TNNI3K: variants seen among roughly 807,000 people sequenced by gnomAD.
TNNI3K encodes TNNI3 interacting kinase, also known as serine/threonine-protein kinase TNNI3K.
In TNNI3K, 140 loss-of-function variants were observed where a neutral mutation model predicts 114.5. The observed-to-expected ratio is 1.22, with a 90% confidence interval of 1.07 to 1.41. TNNI3K has a LOEUF of 1.41. Among genes scored for constraint, TNNI3K ranks in the 40% most tolerant of loss-of-function variants. The pLI, the probability that TNNI3K is intolerant of heterozygous loss-of-function variation, is 0.00. For synonymous variants in TNNI3K, 347 were observed against 347.5 expected, an observed-to-expected ratio of 1.00 and a Z score of 0.02; for missense variants, 1,125 against 1,007.6, an observed-to-expected ratio of 1.12 and a Z score of -1.58.
chr1:74,443,880 A>T (rs553061392), intron 20 of TNNI3K, among the ~76,000 whole-genome samples: 1 of 152,234 alleles, frequency 6.6e-6, no homozygotes, highest in Non-Finnish European at 1.5e-5. Context: ...AACGTAATTC[A>T]TCACATAAAC....
At position 74,522,885 on chromosome 1, in the gene TNNI3K, G is replaced by A. The variant is rs45519238; in HGVS notation, c.2352-17349G>A. ...GTGAACACATAAAATCCAGCACTGC[G>A]TGATCCAAAGCTTCAGTAGGTTCAT... On this transcript the variant is annotated intron_variant, in intron 23 of 24. Coordinates refer to ENST00000326637, the MANE Select transcript of TNNI3K (RefSeq NM_015978.3). 3.0e-3 allele frequency among the ~76,000 whole-genome samples: 459 copies of A among 152,292 alleles called. 2 individuals are homozygous for A. Among genetic ancestry groups the A allele is most frequent in the African/African-American group, 0.01 (429 of 41,582 alleles).
intron 5 of TNNI3K, among the ~76,000 whole-genome samples, chr1:74,272,320 A>G (rs941810470): frequency 3.9e-5 from 6 of 151,962 alleles, no homozygotes; most frequent in African/African-American, 1.2e-4. Context: ...CATAATTTTA[A>G]TTAGTAGTGA....
At chr1:74,362,792 AC>A (rs1171078944) in intron 11 of TNNI3K, among the ~76,000 whole-genome samples, 1 of 152,148 alleles carries the variant, frequency 6.6e-6, no homozygotes, top group African/African-American at 2.4e-5. Context: ...AAGTAAAGGA[AC>A]ACAAATAGAC....
At chr1:74,391,392 A>G (rs996675358) in intron 17 of TNNI3K, among the ~76,000 whole-genome samples, 4 of 152,086 alleles carry the variant, frequency 2.6e-5, no homozygotes, top group East Asian at 1.9e-4. Flanking sequence ...AGAGAAAGCA[A>G]TGGATTTGGT....
At chr1:74,449,313 C>G (rs905199550) in intron 20 of TNNI3K, among the ~76,000 whole-genome samples, 1 of 150,478 alleles carries the variant, frequency 6.6e-6, no homozygotes. Flanking sequence ...GGTGATATCC[C>G]CTTTATCATT....
intron 20 of TNNI3K, among the ~76,000 whole-genome samples, chr1:74,444,174 T>A (rs1351521202): frequency 1.3e-5 from 2 of 152,096 alleles, no homozygotes; most frequent in African/African-American, 4.8e-5. Flanking sequence ...TCAGGACAAG[T>A]GAAAGAAGCT....
chr1:74,530,760 G>A (rs1336956502), intron 23 of TNNI3K, among the ~76,000 whole-genome samples: 1 of 151,018 alleles, frequency 6.6e-6, no homozygotes, highest in Non-Finnish European at 1.5e-5. Flanking sequence ...AGTATAGAAG[G>A]TGAGGGATAT....
chr1:74,313,499 T>C (rs1659115191), intron 5 of TNNI3K, among the ~76,000 whole-genome samples: 1 of 152,168 alleles, frequency 6.6e-6, no homozygotes, highest in African/African-American at 2.4e-5. Flanking sequence ...CTTCATTTGG[T>C]CAGGCATTTT....
intron 23 of TNNI3K, among the ~76,000 whole-genome samples, chr1:74,501,478 T>G (rs575780699): frequency 2.5e-5 from 3 of 121,754 alleles, no homozygotes; most frequent in African/African-American, 1.6e-4. Flanking sequence ...TGTTTTGTGT[T>G]TGTTTGTTTG....
intron 23 of TNNI3K, among the ~76,000 whole-genome samples, chr1:74,493,797 A>T (rs1176375437): frequency 6.6e-6 from 1 of 152,186 alleles, no homozygotes; most frequent in Non-Finnish European, 1.5e-5. Context: ...ACAAGCCCAA[A>T]TTTACATGCA....
intron 23 of TNNI3K, among the ~76,000 whole-genome samples, chr1:74,504,412 G>A (rs926147228): frequency 7.2e-5 from 11 of 152,098 alleles, no homozygotes; most frequent in Admixed American, 7.2e-4. Flanking sequence ...GAGACTTCAC[G>A]CCGAACAAAG....
chr1:74,311,273 A>G (rs11210447), intron 5 of TNNI3K, among the ~76,000 whole-genome samples: 446 of 152,232 alleles, frequency 2.9e-3, no homozygotes, highest in African/African-American at 9.8e-3. Context: ...GAGTTATACT[A>G]ATACGTTTTC....
At chr1:74,493,787 A>G (rs753005224) in intron 23 of TNNI3K, among the ~76,000 whole-genome samples, 1 of 152,214 alleles carries the variant, frequency 6.6e-6, no homozygotes, top group African/African-American at 2.4e-5. Flanking sequence ...ACTCAAGAGG[A>G]CAAGCCCAAA....
At chr1:74,272,864 G>C (rs570159398) in intron 5 of TNNI3K, among the ~76,000 whole-genome samples, 1 of 151,940 alleles carries the variant, frequency 6.6e-6, no homozygotes, top group Non-Finnish European at 1.5e-5. Context: ...AGCTATTGAG[G>C]AAAAGAGCCA....
intron 21 of TNNI3K, among the ~76,000 whole-genome samples, chr1:74,485,712 G>A (rs762153583): frequency 3.3e-5 from 5 of 152,176 alleles, no homozygotes; most frequent in Non-Finnish European, 7.3e-5. Context: ...GTCACAGAGT[G>A]GAAGTCAGGC....
intron 9 of TNNI3K, among the ~76,000 whole-genome samples, chr1:74,350,852 A>G (rs1356848862): frequency 2.6e-5 from 4 of 151,950 alleles, no homozygotes; most frequent in Non-Finnish European, 5.9e-5. Flanking sequence ...TTTTGAGCCT[A>G]TGTGTGTCTC....
At chr1:74,460,736 T>A (rs901227958) in intron 20 of TNNI3K, among the ~76,000 whole-genome samples, 8 of 152,248 alleles carry the variant, frequency 5.3e-5, no homozygotes, top group Non-Finnish European at 8.8e-5. Flanking sequence ...TCATGTTACA[T>A]TGCCCACTTT....
chr1:74,378,594 T>TTTTATA (rs1208785898), intron 17 of TNNI3K: 1 of 77,904 alleles, frequency 1.3e-5, no homozygotes, highest in African/African-American at 4.4e-5. Context: ...CAGTTTAATT[T>TTTTATA]TATATATATA....
At chr1:74,368,517 T>G (rs1468666466) in intron 13 of TNNI3K, among the ~76,000 whole-genome samples, 6 of 151,918 alleles carry the variant, frequency 3.9e-5, no homozygotes, top group Non-Finnish European at 8.8e-5. Flanking sequence ...TTTCCTGTCA[T>G]TTAATTGGCA....
Sources: gnomAD v4.1 joint callset for allele counts (sites outside exome capture counted in the v4.1 genomes callset) on GRCh38, gnomAD v4.1.1 for gene constraint, MANE v1.5 for transcripts, NCBI Gene and HGNC (gene_info 2026-07-23, HGNC 2026-07-21) for gene names.